The following ANP32A variants were observed in gnomAD, a reference collection of about 807,000 sequenced individuals.
ANP32A encodes the protein acidic nuclear phosphoprotein 32 family member A.
ANP32A carries 1 observed loss-of-function variant against 33.9 expected under a neutral mutation model. The observed-to-expected ratio is 0.03, with a 90% CI of 0.01 to 0.14. The LOEUF is 0.14. Among genes scored for constraint, ANP32A ranks in the 10% least tolerant of loss-of-function variants. The probability of loss-of-function intolerance (pLI) is 1.00; values close to 1 mark genes in which losing one functional copy is unlikely to be tolerated. For synonymous variants in ANP32A, 115 were observed against 120.5 expected, an observed-to-expected ratio of 0.95 and a Z score of 0.30; for missense variants, 155 against 306.0, an observed-to-expected ratio of 0.51 and a Z score of 3.68.
Position 68,787,475 on chromosome 15 carries a change from T to C in ANP32A, c.265A>G (p.Asn89Asp), listed in dbSNP as rs545923966. The change falls in exon 3 of 7, where the codon AAC (asparagine) becomes GAC (aspartate). Residue 89 changes from asparagine (N) to aspartate (D), a missense_variant. Physicochemically the swap from Asn to Asp is conservative, Grantham distance 23. Around this residue, in one of 4 missense-constraint regions of ANP32A, gnomAD observed 85 missense variants for 183.8 expected, o/e 0.46. Transcript: ENST00000465139. ...GLEVLAEKCP[N>D]LTHLNLSGNK... ...CCACTTAAATTTAGATGCGTGAGGT[T>C]CGGACACTTTTCTGCCAATACTTCC... is the stretch of plus-strand genomic sequence containing the variant. The C allele has an allele frequency of 6.2e-7, 1 of 1,614,210 alleles. No homozygotes were observed. The highest frequency in any genetic ancestry group is 1.3e-5 in the African/African-American group (1 of 75,052).
chr15:68,804,531 A>C (rs1261082077), intron 1 of ANP32A, among the ~76,000 whole-genome samples: 2 of 152,256 alleles, frequency 1.3e-5, no homozygotes, highest in Non-Finnish European at 2.9e-5. Context: ...TACAAAAATG[A>C]AAATCTAGTG....
At chr15:68,809,230 T>TG (rs1894280968) in intron 1 of ANP32A, among the ~76,000 whole-genome samples, 1 of 152,130 alleles carries the variant, frequency 6.6e-6, no homozygotes, top group African/African-American at 2.4e-5. Flanking sequence ...CAAGCTAGCT[T>TG]ATTGTATTAA....
chr15:68,787,951 T>G (rs757357593), intron 1 of ANP32A, 32 bp from the exon 2 acceptor site: 7 of 1,613,590 alleles, frequency 4.3e-6, no homozygotes, highest in Non-Finnish European at 5.9e-6. Context: ...TGAGCGGGGC[T>G]GAGGAATGGG....
intron 3 of ANP32A, among the ~76,000 whole-genome samples, chr15:68,785,520 G>A (rs1217955632): frequency 1.3e-5 from 2 of 152,230 alleles, no homozygotes; most frequent in Non-Finnish European, 2.9e-5. Context: ...TGGAGTCAAT[G>A]TCGGGAGCTA....
chr15:68,799,517 G>A (rs1419814694), intron 1 of ANP32A, among the ~76,000 whole-genome samples: 1 of 152,158 alleles, frequency 6.6e-6, no homozygotes, highest in African/African-American at 2.4e-5. Context: ...AAAAAACTAT[G>A]AAGAGAGTCA....
At chr15:68,811,027 A>G (rs2140373088) in intron 1 of ANP32A, among the ~76,000 whole-genome samples, 1 of 142,800 alleles carries the variant, frequency 7.0e-6, no homozygotes, top group Non-Finnish European at 1.5e-5. Flanking sequence ...GCCACTGCGC[A>G]CTCCAACATG....
chr15:68,817,319 A>G (rs1596077593), intron 1 of ANP32A: 1 of 152,292 alleles, frequency 6.6e-6, no homozygotes, highest in Non-Finnish European at 1.5e-5. Flanking sequence ...GTTTAGACCG[A>G]GGAGGAGGGT....
intron 1 of ANP32A, among the ~76,000 whole-genome samples, chr15:68,800,251 G>A (rs999889799): frequency 2.0e-5 from 3 of 152,050 alleles, no homozygotes; most frequent in East Asian, 3.8e-4. Context: ...ATGCAGGCCC[G>A]ATACAATCAT....
chr15:68,817,152 A>C (rs563404105), intron 1 of ANP32A, among the ~76,000 whole-genome samples: 1 of 152,312 alleles, frequency 6.6e-6, no homozygotes, highest in East Asian at 1.9e-4. Context: ...GCATCGGAGG[A>C]CCCGACGCGA....
intron 1 of ANP32A, among the ~76,000 whole-genome samples, chr15:68,814,506 T>C (rs563559385): frequency 1.3e-4 from 20 of 151,126 alleles, no homozygotes; most frequent in African/African-American, 4.6e-4. Context: ...TAAGCCACCT[T>C]GAGAGGCTGG....
At chr15:68,806,034 A>G (rs1894217270) in intron 1 of ANP32A, among the ~76,000 whole-genome samples, 1 of 152,166 alleles carries the variant, frequency 6.6e-6, no homozygotes, top group Admixed American at 6.5e-5. Flanking sequence ...AGGGATTCCA[A>G]TCTTACACCT....
rs1050712745 is a variant in ANP32A at position 68,779,742 on chromosome 15, A to C, written c.*339T>G. The C allele has an allele frequency of 1.8e-5, 4 of 223,646 alleles. 1 individual carries two copies. The highest frequency in any genetic ancestry group is 3.5e-5 in the Non-Finnish European group (4 of 113,444). 13.9% of individuals were successfully genotyped at this position (223,646 alleles called of 1,614,324 possible). A position where few individuals can be genotyped will look rare whatever the true frequency, so the allele number is the denominator to read the frequency against. ...CCCAAGAGACTTGGGAAATACCAGG[A>C]AACGTAAGAGAACTCCAAACCATCC... is the stretch of plus-strand genomic sequence containing the variant. On this transcript the variant is annotated 3_prime_UTR_variant, in exon 7 of 7. Coordinates refer to ENST00000465139, the MANE Select transcript of ANP32A (RefSeq NM_006305.4).
Position 68,779,888 on chromosome 15 carries a change from T to A in ANP32A, c.*193A>T. 1 of 556,250 alleles carries A rather than the reference T, an allele frequency of 1.8e-6. No individual in the cohort carries two copies. The highest frequency in any genetic ancestry group is 3.2e-6 in the Non-Finnish European group (1 of 316,428). 34.5% of individuals were successfully genotyped at this position (556,250 alleles called of 1,614,324 possible). On this transcript the variant is annotated 3_prime_UTR_variant, in exon 7 of 7. Coordinates refer to ENST00000465139, the MANE Select transcript of ANP32A (RefSeq NM_006305.4). ...AAATAAAGAGTGGCAGTAAAAATAG[T>A]ATTTTATTCCACCCCCACCCGCCAT...
chr15:68,814,449 G>C (rs1894353614), intron 1 of ANP32A, among the ~76,000 whole-genome samples: 1 of 151,660 alleles, frequency 6.6e-6, no homozygotes, highest in Admixed American at 6.6e-5. Flanking sequence ...TACTGCTATG[G>C]GGAAAGAAAA....
At chr15:68,802,102 G>A (rs1429391523) in intron 1 of ANP32A, among the ~76,000 whole-genome samples, 6 of 152,200 alleles carry the variant, frequency 3.9e-5, no homozygotes, top group Non-Finnish European at 5.9e-5. Context: ...CATACGGATA[G>A]GGAGGCTAAC....
chr15:68,786,768 C>T (rs1045055163), intron 3 of ANP32A, among the ~76,000 whole-genome samples: 1 of 152,084 alleles, frequency 6.6e-6, no homozygotes, highest in Non-Finnish European at 1.5e-5. Context: ...ATCAGTGAAG[C>T]TTAGGGGATG....
At chr15:68,785,277 C>T (rs1387163003) in intron 3 of ANP32A, among the ~76,000 whole-genome samples, 1 of 152,182 alleles carries the variant, frequency 6.6e-6, no homozygotes, top group Non-Finnish European at 1.5e-5. Context: ...ACACGATGTG[C>T]TCTGTCAAAG....
chr15:68,807,427 C>CG (rs35282881), intron 1 of ANP32A, among the ~76,000 whole-genome samples: 76,822 of 114,060 alleles, frequency 0.67, 27,793 homozygotes, highest in Non-Finnish European at 0.81. Flanking sequence ...CCACAGAAAA[C>CG]GGGGGGGGGG....
rs1009601376 is a variant in ANP32A, at chr15:68,783,007, G to A, written c.573C>T (p.Asp191=). 4.8e-5 allele frequency: 75 copies of A among 1,550,948 alleles called. No homozygotes were observed. Among genetic ancestry groups the A allele is most frequent in the African/African-American group, 1.9e-4 (14 of 72,920 alleles). The change falls in exon 5 of 7, where the codon GAC becomes GAT. Residue 191 remains aspartate (D), a synonymous_variant. Transcript: ENST00000465139. ...CTTCACCTTCCTCCTCCTCATCCTC[G>A]TCCTCCTCGTCTTCCACTACCTGAG... is the stretch of plus-strand genomic sequence containing the variant. ...EDAQVVEDEE[D]EDEEEEGEEE...
Sources: allele counts gnomAD v4.1 joint callset (sites outside exome capture counted in the v4.1 genomes callset), GRCh38; gene constraint gnomAD v4.1.1; regional missense constraint gnomAD v4.1.1; transcripts MANE v1.5; gene names NCBI Gene and HGNC (gene_info 2026-07-23, HGNC 2026-07-21).